AFAP1L1: variants seen among roughly 807,000 people sequenced by gnomAD.
AFAP1L1 encodes actin filament-associated protein 1-like 1.
AFAP1L1 carries 77 observed loss-of-function variants against 99.8 expected under a neutral mutation model. That is an observed-to-expected ratio of 0.77 (90% CI 0.64 to 0.93). The LOEUF is 0.93. Ranked by LOEUF, AFAP1L1 falls within the 40% of genes least tolerant of loss-of-function variation. The pLI, the probability that AFAP1L1 is intolerant of heterozygous loss-of-function variation, is 0.00. For synonymous variants in AFAP1L1, 373 were observed against 395.3 expected, an observed-to-expected ratio of 0.94 and a Z score of 0.67; for missense variants, 893 against 996.8, an observed-to-expected ratio of 0.90 and a Z score of 1.40.
At chr5:149,298,617 A>G (rs896423863) in intron 1 of AFAP1L1, among the ~76,000 whole-genome samples, 1 of 152,224 alleles carries the variant, frequency 6.6e-6, no homozygotes, top group African/African-American at 2.4e-5. Flanking sequence ...TCATGCCTAA[A>G]TGCTTAGTGG....
chr5:149,292,204 G>A (rs1435375251), intron 1 of AFAP1L1, among the ~76,000 whole-genome samples: 1 of 152,212 alleles, frequency 6.6e-6, no homozygotes, highest in Non-Finnish European at 1.5e-5. Context: ...TATTATTCTT[G>A]TGACTTGCTG....
Position 149,340,972 on chromosome 5 carries a change from T to G in AFAP1L1, c.*942T>G, listed in dbSNP as rs575874875. 11 of 152,318 alleles carry G rather than the reference T, an allele frequency of 7.2e-5. No individual in the cohort carries two copies. The highest frequency in any genetic ancestry group is 2.6e-4 in the African/African-American group (11 of 41,562). The allele number at this position is 152,318 out of a possible 1,614,324, so 9.4% of individuals were successfully genotyped here. ...GTAAAACCAAGAGAAATTAAGAGGA[T>G]GATGGCTTCTTTCTGTCACATGGGT... On this transcript the variant is annotated 3_prime_UTR_variant, in exon 19 of 19. Transcript: ENST00000296721.
intron 5 of AFAP1L1, among the ~76,000 whole-genome samples, chr5:149,302,980 G>A (rs1561669955): frequency 1.3e-5 from 2 of 152,282 alleles, no homozygotes; most frequent in Non-Finnish European, 2.9e-5. Flanking sequence ...TTAGGTTATC[G>A]AGTCAATGCG....
chr5:149,283,440 C>T (rs1360195374), intron 1 of AFAP1L1, among the ~76,000 whole-genome samples: 1 of 151,638 alleles, frequency 6.6e-6, no homozygotes, highest in Non-Finnish European at 1.5e-5. Context: ...AGCACCGAAG[C>T]CAAAAGAAGA....
chr5:149,314,908 C>T (rs774554926), intron 9 of AFAP1L1, among the ~76,000 whole-genome samples: 1 of 152,186 alleles, frequency 6.6e-6, no homozygotes, highest in Non-Finnish European at 1.5e-5. Context: ...AGAAAGATGG[C>T]AGCACATCAC....
At chr5:149,291,544 AAAAAAAG>A (rs1374824712) in intron 1 of AFAP1L1, among the ~76,000 whole-genome samples, 43 of 143,260 alleles carry the variant, frequency 3.0e-4, no homozygotes, top group African/African-American at 1.0e-3. Flanking sequence ...AAAAAAAAAA[AAAAAAAG>A]AAAGAAAGAA....
At chr5:149,305,267 C>A (rs1199943965) in intron 5 of AFAP1L1, among the ~76,000 whole-genome samples, 1 of 152,212 alleles carries the variant, frequency 6.6e-6, no homozygotes, top group Non-Finnish European at 1.5e-5. Flanking sequence ...TTTGAGGTCA[C>A]TCAGTAAATG....
intron 14 of AFAP1L1, among the ~76,000 whole-genome samples, chr5:149,322,259 G>T (rs181437149): frequency 6.6e-6 from 1 of 152,026 alleles, no homozygotes; most frequent in East Asian, 1.9e-4. Flanking sequence ...TTTTCTTTTT[G>T]AGGCAATTCA....
chr5:149,279,727 C>T (rs1755454179), intron 1 of AFAP1L1, among the ~76,000 whole-genome samples: 1 of 152,154 alleles, frequency 6.6e-6, no homozygotes, highest in Non-Finnish European at 1.5e-5. Context: ...TCGCTTTGGA[C>T]CCCCACCTAC....
Position 149,334,269 on chromosome 5 carries a change from A to G in AFAP1L1, c.2155-1325A>G, listed in dbSNP as rs900308789. ...ACTTCCTTTCCATGGGGTGTTTCCA[A>G]CCTCATTGTATAGATGAAAAACATG... On this transcript the variant is annotated intron_variant, in intron 17 of 18. Transcript: ENST00000296721. 3.9e-5 allele frequency among the ~76,000 whole-genome samples: 6 copies of G among 152,108 alleles called. No individual in the cohort carries two copies. The East Asian group carries it at 5.8e-4, about 15-fold the overall frequency.
rs772233446 is a variant in AFAP1L1 at position 149,342,594 on chromosome 5, T to C, written c.*2564T>C. ...GTAAGCAAAATGGCTAAGGCACAGATGCCACTTGTTCTTGGTTGTTAAAAT... is the reference window on the plus strand; with the variant it reads ...GTAAGCAAAATGGCTAAGGCACAGACGCCACTTGTTCTTGGTTGTTAAAAT... On this transcript the variant is annotated 3_prime_UTR_variant, in exon 19 of 19. Transcript: ENST00000296721. 3.3e-5 allele frequency among the ~76,000 whole-genome samples: 5 copies of C among 152,222 alleles called. No homozygotes were observed. The highest frequency in any genetic ancestry group is 7.3e-5 in the Non-Finnish European group (5 of 68,040).
rs1756890907 is a variant in AFAP1L1 at position 149,319,467 on chromosome 5, G to A, written c.1480-115G>A. The A allele has an allele frequency of 5.9e-6, 7 of 1,193,232 alleles. No individual in the cohort carries two copies. The South Asian group carries it at 1.1e-4, about 18-fold the overall frequency. The allele number at this position is 1,193,232 out of a possible 1,614,324, so 73.9% of individuals were successfully genotyped here. ...ATAATCTTATTCCTCTTTGACCCGA[G>A]TATCGGGTACGTAGTCAGTACTTAC... On this transcript the variant is annotated intron_variant, in intron 12 of 18. Transcript: ENST00000296721.
chr5:149,308,334 T>G (rs1370723872), intron 7 of AFAP1L1, among the ~76,000 whole-genome samples: 2 of 152,216 alleles, frequency 1.3e-5, no homozygotes, highest in Non-Finnish European at 2.9e-5. Flanking sequence ...CATCAATAAT[T>G]TCCTTGACCA....
At chr5:149,306,658 C>T (rs764848425) in intron 6 of AFAP1L1, among the ~76,000 whole-genome samples, 7 of 152,228 alleles carry the variant, frequency 4.6e-5, no homozygotes, top group Non-Finnish European at 5.9e-5. Flanking sequence ...AATTTCTTTT[C>T]GCTGAGCCTC....
At chr5:149,285,056 C>T (rs1221429359) in intron 1 of AFAP1L1, among the ~76,000 whole-genome samples, 5 of 152,138 alleles carry the variant, frequency 3.3e-5, no homozygotes, top group Non-Finnish European at 7.4e-5. Context: ...TTTCTTGGAT[C>T]CTCAACCCCA....
chr5:149,291,728 T>C (rs1755868344), intron 1 of AFAP1L1, among the ~76,000 whole-genome samples: 1 of 152,046 alleles, frequency 6.6e-6, no homozygotes, highest in South Asian at 2.1e-4. Context: ...GTTAATACAG[T>C]ATGCAGAAAG....
At chr5:149,279,363 A>G (rs1755442907) in intron 1 of AFAP1L1, among the ~76,000 whole-genome samples, 1 of 151,244 alleles carries the variant, frequency 6.6e-6, no homozygotes, top group Admixed American at 6.6e-5. Context: ...GAAGCCACGG[A>G]ATGGCTTAGT....
At chr5:149,293,938 C>T (rs370878119) in intron 1 of AFAP1L1, among the ~76,000 whole-genome samples, 4 of 152,114 alleles carry the variant, frequency 2.6e-5, no homozygotes, top group Admixed American at 1.3e-4. Flanking sequence ...TACATGGGTC[C>T]GACCCCAGAG....
At chr5:149,322,442 C>T (rs551762311) in intron 14 of AFAP1L1, among the ~76,000 whole-genome samples, 164 bp from the exon 15 acceptor site, 1 of 152,336 alleles carries the variant, frequency 6.6e-6, no homozygotes, top group African/African-American at 2.4e-5. Context: ...TGATATACTG[C>T]TAGCAAAAGT....
Sources: allele counts gnomAD v4.1 joint callset (sites outside exome capture counted in the v4.1 genomes callset), GRCh38; gene constraint gnomAD v4.1.1; transcripts MANE v1.5; gene names NCBI Gene and HGNC (gene_info 2026-07-23, HGNC 2026-07-21).